Variants in TMEM217 observed in about 807,000 individuals in gnomAD.
The protein encoded by TMEM217 is chromosome 6 open reading frame 128.
For missense variants in TMEM217, 204 were observed against 248.8 expected, an observed-to-expected ratio of 0.82 and a Z score of 1.21; for synonymous variants, 76 against 88.3, an observed-to-expected ratio of 0.86 and a Z score of 0.78.
At chr6:37,218,823 A>G in exon 2 of TMEM217, 1 of 1,614,220 alleles carries the variant, frequency 6.2e-7, no homozygotes, top group South Asian at 1.1e-5. Flanking sequence ...AAAGACAGGA[A>G]GAGGACGATT....
At chr6:37,235,222 T>C (rs938860442) in intron 1 of TMEM217, among the ~76,000 whole-genome samples, 5 of 152,224 alleles carry the variant, frequency 3.3e-5, no homozygotes, top group African/African-American at 4.8e-5. Flanking sequence ...TACTACACAA[T>C]TGGAAGTGAT....
intron 1 of TMEM217, among the ~76,000 whole-genome samples, chr6:37,239,059 G>A (rs1309229439): frequency 6.6e-6 from 1 of 152,224 alleles, no homozygotes; most frequent in Non-Finnish European, 1.5e-5. Flanking sequence ...GAACCTAAGA[G>A]GTGGAGAGGT....
At chr6:37,258,022 A>G (rs1269019406) in exon 1 of TMEM217, 3 of 1,596,892 alleles carry the variant, frequency 1.9e-6, no homozygotes, top group Non-Finnish European at 1.7e-6. Flanking sequence ...AAACCCTTCC[A>G]GATCCTAATC....
At chr6:37,237,034 C>CAAAA (rs1250092212) in intron 1 of TMEM217, among the ~76,000 whole-genome samples, 2 of 152,140 alleles carry the variant, frequency 1.3e-5, no homozygotes, top group Non-Finnish European at 1.5e-5. Context: ...AAGAGCAAGC[C>CAAAA]AGATGGAAGC....
chr6:37,215,570 C>CAAAAAAAAAAAAAAAAAA (rs34808595), downstream of TMEM217, among the ~76,000 whole-genome samples: 11 of 72,374 alleles, frequency 1.5e-4, no homozygotes, highest in African/African-American at 3.6e-4. Flanking sequence ...GACTCTGTCT[C>CAAAAAAAAAAAAAAAAAA]AAAAAAAAAA....
At chr6:37,213,749 C>G (rs1376202493), downstream of TMEM217, among the ~76,000 whole-genome samples, 1 of 152,242 alleles carries the variant, frequency 6.6e-6, no homozygotes, top group African/African-American at 2.4e-5. Context: ...AATGGGGGAC[C>G]TAAGGCTGGA....
intron 1 of TMEM217, among the ~76,000 whole-genome samples, chr6:37,224,153 G>C (rs1006734951): frequency 9.4e-5 from 14 of 148,882 alleles, no homozygotes; most frequent in African/African-American, 3.5e-4. Context: ...TGGCCAGGCT[G>C]GTCTTGAACT....
intron 1 of TMEM217, among the ~76,000 whole-genome samples, chr6:37,251,797 C>G (rs992738009): frequency 6.6e-6 from 1 of 151,908 alleles, no homozygotes; most frequent in African/African-American, 2.4e-5. Context: ...CTTATTTGTT[C>G]TTTATTATTT....
At chr6:37,220,718 G>A (rs2776800) in intron 1 of TMEM217, among the ~76,000 whole-genome samples, 30,488 of 151,940 alleles carry the variant, frequency 0.2, 3,797 homozygotes, top group Non-Finnish European at 0.28. Flanking sequence ...CATCCTCTAA[G>A]AATCTTCATC....
exon 1 of TMEM217, chr6:37,257,992 G>A (rs1765874327): frequency 1.2e-6 from 2 of 1,613,612 alleles, no homozygotes; most frequent in African/African-American, 1.3e-5. Flanking sequence ...AGGACGCTGA[G>A]AGGGATAGGG....
chr6:37,252,249 C>T (rs1233083068), intron 1 of TMEM217, among the ~76,000 whole-genome samples: 1 of 152,158 alleles, frequency 6.6e-6, no homozygotes, highest in East Asian at 1.9e-4. Flanking sequence ...TATTCCATGA[C>T]ATGTAACATA....
At chr6:37,234,290 G>C (rs1764367637) in intron 1 of TMEM217, among the ~76,000 whole-genome samples, 1 of 151,934 alleles carries the variant, frequency 6.6e-6, no homozygotes, top group Non-Finnish European at 1.5e-5. Context: ...AGTCGAGGTG[G>C]GGTTTCTCCA....
intron 1 of TMEM217, among the ~76,000 whole-genome samples, chr6:37,236,315 T>C (rs1400183771): frequency 1.3e-5 from 2 of 152,196 alleles, no homozygotes; most frequent in East Asian, 1.9e-4. Context: ...CTTTGTTTTT[T>C]AGGCCCTGAA....
At chr6:37,256,597 G>A (rs1765747200) in intron 1 of TMEM217, among the ~76,000 whole-genome samples, 1 of 152,166 alleles carries the variant, frequency 6.6e-6, no homozygotes, top group Non-Finnish European at 1.5e-5. Flanking sequence ...TTAAATTAGG[G>A]GACAAAAGAA....
In TMEM217 at chr6:37,226,854, C is replaced by T. The variant is rs919461482; in HGVS notation, c.-11-7813G>A. Among the ~76,000 whole-genome samples the T allele has an allele frequency of 5.9e-5, 9 of 152,272 alleles. 1 individual carries two copies. The highest frequency in any genetic ancestry group is 5.8e-4 in the East Asian group (3 of 5,180). ...GTGCTGGGATTACAGGTGTGAGCCACGGCACCCAGCCCAAGATCACCATTC... is the reference window on the plus strand; with the variant it reads ...GTGCTGGGATTACAGGTGTGAGCCATGGCACCCAGCCCAAGATCACCATTC... On this transcript the variant is annotated intron_variant, in intron 1 of 1. Transcript: ENST00000357219.
downstream of TMEM217, among the ~76,000 whole-genome samples, chr6:37,213,362 G>A (rs374020804): frequency 1.3e-5 from 2 of 152,326 alleles, no homozygotes; most frequent in African/African-American, 4.8e-5. Context: ...CTCCCATCTG[G>A]GGAGTTTGCT....
At chr6:37,216,398 ATCTT>A (rs1393677579), downstream of TMEM217, among the ~76,000 whole-genome samples, 1 of 152,134 alleles carries the variant, frequency 6.6e-6, no homozygotes, top group Non-Finnish European at 1.5e-5. Context: ...TTTTAGAAAA[ATCTT>A]TCTTGCTGCT....
intron 1 of TMEM217, among the ~76,000 whole-genome samples, chr6:37,251,413 A>C (rs1765393040): frequency 7.1e-6 from 1 of 140,464 alleles, no homozygotes; most frequent in African/African-American, 2.6e-5. Flanking sequence ...ATAATGTATA[A>C]AGAATGTTGA....
intron 1 of TMEM217, among the ~76,000 whole-genome samples, chr6:37,247,151 A>G (rs1765134215): frequency 6.6e-6 from 1 of 152,194 alleles, no homozygotes; most frequent in African/African-American, 2.4e-5. Flanking sequence ...TTAGAAGTCT[A>G]CTATGATAGA....
Sources: gnomAD v4.1 joint callset for allele counts (sites outside exome capture counted in the v4.1 genomes callset) on GRCh38, gnomAD v4.1.1 for gene constraint, MANE v1.5 for transcripts, NCBI Gene and HGNC (gene_info 2026-07-23, HGNC 2026-07-21) for gene names.